KCNG2: variants seen among roughly 807,000 people sequenced by gnomAD.
The protein encoded by KCNG2 is potassium voltage-gated channel modifier subfamily G member 2.
In KCNG2, 7 loss-of-function variants were observed where a neutral mutation model predicts 12.3. That is an observed-to-expected ratio of 0.57 (90% CI 0.32 to 1.07). The LOEUF is 1.07. Among genes scored for constraint, KCNG2 ranks in the 50% least tolerant of loss-of-function variants. The pLI is 0.04. For synonymous variants in KCNG2, 414 were observed against 351.4 expected, an observed-to-expected ratio of 1.18 and a Z score of -1.99; for missense variants, 703 against 726.0, an observed-to-expected ratio of 0.97 and a Z score of 0.36.
intron 1 of KCNG2, among the ~76,000 whole-genome samples, chr18:79,801,998 G>T (rs1599359688): frequency 6.6e-6 from 1 of 152,332 alleles, no homozygotes; most frequent in South Asian, 2.1e-4. Context: ...GCCTGGAATT[G>T]ATTCTTAGCA....
chr18:79,850,867 A>C (rs2012275771), intron 1 of KCNG2, among the ~76,000 whole-genome samples: 1 of 152,210 alleles, frequency 6.6e-6, no homozygotes, highest in Non-Finnish European at 1.5e-5. Flanking sequence ...TGTACCCACG[A>C]GGGCAGGCGC....
Position 79,873,787 on chromosome 18 carries a change from A to G in KCNG2, c.624+9496A>G, listed in dbSNP as rs955139784. The stretch of plus-strand genomic sequence containing the variant: ...GCAACAGTGTCCGCCTAGCTGCCTC[A>G]CTGGGCCAGGAGGCGCCTGGGACTT... On this transcript the variant is annotated intron_variant, in intron 3 of 3. Transcript: ENST00000316249. Among the ~76,000 whole-genome samples, 18 of 152,312 alleles carry G rather than the reference A, an allele frequency of 1.2e-4. No homozygotes were observed. In the East Asian group the frequency reaches 3.5e-3, roughly 29 times the overall value.
At chr18:79,828,820 G>A (rs565060914) in intron 1 of KCNG2, among the ~76,000 whole-genome samples, 144 of 126,406 alleles carry the variant, frequency 1.1e-3, no homozygotes, top group African/African-American at 4.0e-3. Context: ...CTATGTGTGC[G>A]TGTGTGTAAC....
chr18:79,867,119 C>T (rs1240681622), intron 3 of KCNG2, among the ~76,000 whole-genome samples: 9 of 147,622 alleles, frequency 6.1e-5, no homozygotes, highest in African/African-American at 2.3e-4. Context: ...GCTGAGAGGT[C>T]TGTGTGCTGA....
chr18:79,878,934 C>T (rs1255701713), intron 3 of KCNG2, among the ~76,000 whole-genome samples: 1 of 152,220 alleles, frequency 6.6e-6, no homozygotes, highest in Non-Finnish European at 1.5e-5. Context: ...GTTATCCCAG[C>T]AACAATGGGA....
chr18:79,833,384 G>C (rs567358366), intron 1 of KCNG2, among the ~76,000 whole-genome samples: 7 of 152,278 alleles, frequency 4.6e-5, no homozygotes, highest in African/African-American at 1.7e-4. Flanking sequence ...CAAGTGATAT[G>C]CCTGCCTCAG....
chr18:79,841,287 C>T (rs944048530), intron 1 of KCNG2, among the ~76,000 whole-genome samples: 2 of 151,952 alleles, frequency 1.3e-5, no homozygotes, highest in African/African-American at 4.8e-5. Context: ...AGAGCAAGAC[C>T]CTATCTCATA....
At chr18:79,823,221 C>A (rs2087585248) in intron 1 of KCNG2, among the ~76,000 whole-genome samples, 1 of 152,216 alleles carries the variant, frequency 6.6e-6, no homozygotes, top group Non-Finnish European at 1.5e-5. Flanking sequence ...ACGTGCCCCA[C>A]CGTGTAGACA....
chr18:79,894,289 T>C, intron 3 of KCNG2, among the ~76,000 whole-genome samples: 1 of 152,124 alleles, frequency 6.6e-6, no homozygotes, highest in Non-Finnish European at 1.5e-5. Context: ...GTTCACTCCA[T>C]TCACATCTAA....
chr18:79,899,280 C>CTGCTGCGTGCGCTGCGCG lies in KCNG2; in HGVS notation c.870_887dup (p.Arg291_Leu296dup). On this transcript the variant is annotated inframe_insertion, in exon 4 of 4. Coordinates refer to ENST00000316249, the MANE Select transcript of KCNG2 (RefSeq NM_012283.2). ...GGAGCGCGCGGGGCTGGTGCTGCGG[C>CTGCTGCGTGCGCTGCGCG]TGCTGCGTGCGCTGCGCGTGCTCTA... 6.3e-7 allele frequency: 1 copy of CTGCTGCGTGCGCTGCGCG among 1,575,604 alleles called. No individual in the cohort carries two copies. The highest frequency in any genetic ancestry group is 8.6e-7 in the Non-Finnish European group (1 of 1,169,208).
intron 2 of KCNG2, among the ~76,000 whole-genome samples, chr18:79,859,096 TTTGTTGC>T (rs1282424332): frequency 3.3e-5 from 5 of 152,240 alleles, no homozygotes; most frequent in African/African-American, 1.2e-4. Flanking sequence ...CTTTTTTTCT[TTTGTTGC>T]TTGTGCTTTT....
chr18:79,874,138 C>T (rs973473294), intron 3 of KCNG2, among the ~76,000 whole-genome samples: 6 of 152,224 alleles, frequency 3.9e-5, no homozygotes, highest in Non-Finnish European at 7.3e-5. Flanking sequence ...GCGCCTCCCG[C>T]CTTTCCCCAT....
rs966609230 is a variant in KCNG2, at chr18:79,822,095, C to T, written c.-115+24081C>T. Among the ~76,000 whole-genome samples, 16 of 152,306 alleles carry T rather than the reference C, an allele frequency of 1.1e-4. No homozygotes were observed. Among genetic ancestry groups the T allele is most frequent in the African/African-American group, 3.6e-4 (15 of 41,570 alleles). On this transcript the variant is annotated intron_variant, in intron 1 of 3. Transcript: ENST00000316249. The surrounding 1 kb of genome is among the most constrained non-coding windows in gnomAD (Gnocchi z 4.4). The stretch of plus-strand genomic sequence containing the variant: ...TTCAGTAAAACTTGTCAAATTCAGA[C>T]TCAAGGTGCCTTTTGTACCATTGTC...
In KCNG2 at chr18:79,899,674, AGC is replaced by A. The variant is rs1568277165; in HGVS notation, c.1265_1266del (p.Ala422GlyfsTer91). On this transcript the variant is annotated frameshift_variant, in exon 4 of 4. Transcript: ENST00000316249. LOFTEE classifies it low-confidence loss of function (END_TRUNC). ...TACTCCGAGCTCAAGGAGCAGCAGC[AGC>A]GCGCGGCCAGCCCCGAGCCGGCCCT... 2 of 1,607,998 alleles carry A rather than the reference AGC, an allele frequency of 1.2e-6. No homozygotes were observed. Among genetic ancestry groups the A allele is most frequent in the Non-Finnish European group, 1.7e-6 (2 of 1,178,036 alleles).
intron 1 of KCNG2, among the ~76,000 whole-genome samples, chr18:79,807,911 AC>A: frequency 2.2e-5 from 2 of 90,836 alleles, no homozygotes; most frequent in African/African-American, 5.3e-5. Flanking sequence ...GGCCGCGCTG[AC>A]CACACTCCAC....
At position 79,852,309 on chromosome 18, in the gene KCNG2, C is replaced by T. The variant is rs114948528; in HGVS notation, c.-114-4070C>T. Among the ~76,000 whole-genome samples the T allele has an allele frequency of 8.3e-4, 126 of 152,380 alleles. 1 individual carries two copies. The highest frequency in any genetic ancestry group is 2.3e-3 in the Admixed American group (35 of 15,296). The stretch of plus-strand genomic sequence containing the variant: ...TTTCCAATAACGCGCCATCTATCTC[C>T]AGCAGCGCAAACGATGCCTGCTCTG... On this transcript the variant is annotated intron_variant, in intron 1 of 3. Coordinates refer to ENST00000316249, the MANE Select transcript of KCNG2 (RefSeq NM_012283.2).
chr18:79,817,176 C>T (rs893382198), intron 1 of KCNG2, among the ~76,000 whole-genome samples: 7 of 151,490 alleles, frequency 4.6e-5, no homozygotes, highest in South Asian at 2.1e-4. Flanking sequence ...AGCTGTCACA[C>T]GGCTGCCACT....
rs558040338 is a variant in KCNG2, at chr18:79,858,461, G to A, written c.-41+2009G>A. Among the ~76,000 whole-genome samples the A allele has an allele frequency of 1.1e-3, 163 of 152,276 alleles. 1 individual carries two copies. Among genetic ancestry groups the A allele is most frequent in the African/African-American group, 3.7e-3 (155 of 41,548 alleles). ...ATGGAGGCCCATATTTTGCTTCTCC[G>A]TTTATCAGTTGATGGAATTTGGGTT... On this transcript the variant is annotated intron_variant, in intron 2 of 3. Coordinates refer to ENST00000316249, the MANE Select transcript of KCNG2 (RefSeq NM_012283.2).
intron 1 of KCNG2, among the ~76,000 whole-genome samples, chr18:79,820,056 C>T (rs1332787331): frequency 6.6e-6 from 1 of 152,234 alleles, no homozygotes; most frequent in Non-Finnish European, 1.5e-5. Context: ...CGTGTCAGAA[C>T]CTCCTCCTAT....
Sources: gnomAD v4.1 joint callset for allele counts (sites outside exome capture counted in the v4.1 genomes callset) on GRCh38, gnomAD v4.1.1 for gene constraint, Gnocchi (gnomAD v3.1) non-coding constraint, MANE v1.5 for transcripts, NCBI Gene and HGNC (gene_info 2026-07-23, HGNC 2026-07-21) for gene names.